ZNF280C: variants seen among roughly 807,000 people sequenced by gnomAD.
The protein encoded by ZNF280C is zinc finger protein 280C, also known as suppressor of hairy wing homolog 3.
Under a neutral mutation model 53.6 loss-of-function variants are expected in ZNF280C, and 14 were observed. The observed-to-expected ratio is 0.26, with a 90% CI of 0.17 to 0.41. ZNF280C has a LOEUF of 0.41. Among genes scored for constraint, ZNF280C ranks in the 10% least tolerant of loss-of-function variants. ZNF280C has a pLI of 1.00. For synonymous variants in ZNF280C, 203 were observed against 181.1 expected (o/e 1.12, Z -0.97); for missense variants, 416 against 547.1 (o/e 0.76, Z 2.39).
chrX:130,255,301 C>T (rs1603245966), intron 2 of ZNF280C, among the ~76,000 whole-genome samples: 2 of 103,531 alleles, frequency 1.9e-5, no homozygotes, highest in Admixed American at 1.0e-4. Flanking sequence ...CCACTACGCC[C>T]GGCTAATTTT....
At position 130,255,883 on chromosome X, in the gene ZNF280C, A is replaced by G. The variant is rs1603246086; in HGVS notation, c.31+4536T>C. Among the ~76,000 whole-genome samples the G allele has an allele frequency of 2.7e-5, 3 of 112,052 alleles. No individual in the cohort carries two copies. The Middle Eastern group carries it at 0.014, about 512-fold the overall frequency. On this transcript the variant is annotated intron_variant, in intron 2 of 18. Transcript: ENST00000370978. ...GGCACAAGAATCGCCTCAACCCAGG[A>G]GCCGGTGGTTGCAGTGAGCTGAGAT...
At chrX:130,251,617 C>T (rs1387000358) in intron 2 of ZNF280C, among the ~76,000 whole-genome samples, 1 of 110,556 alleles carries the variant, frequency 9.0e-6, no homozygotes, top group Non-Finnish European at 1.9e-5. Flanking sequence ...GCCATGGGGC[C>T]GGGCGCGGTA....
chrX:130,254,641 G>GCAAA (rs1203479351), intron 2 of ZNF280C, among the ~76,000 whole-genome samples: 2 of 111,538 alleles, frequency 1.8e-5, no homozygotes, highest in Non-Finnish European at 3.8e-5. Flanking sequence ...ATTATCCTTA[G>GCAAA]CAAACTAATG....
intron 2 of ZNF280C, among the ~76,000 whole-genome samples, chrX:130,252,704 G>C (rs1285311363): frequency 2.2e-5 from 2 of 89,824 alleles, no homozygotes; most frequent in African/African-American, 9.4e-5. Context: ...TGGTGACAGA[G>C]TGAGACTCCG....
intron 1 of ZNF280C, among the ~76,000 whole-genome samples, chrX:130,267,088 G>A (rs2032697330): frequency 9.8e-6 from 1 of 102,142 alleles, no homozygotes; most frequent in Non-Finnish European, 2.0e-5. Flanking sequence ...GCGACATTGC[G>A]AGACTCCGTC....
intron 12 of ZNF280C, among the ~76,000 whole-genome samples, chrX:130,225,382 C>A (rs376889465): frequency 9.1e-6 from 1 of 109,800 alleles, no homozygotes; most frequent in Non-Finnish European, 1.9e-5. Flanking sequence ...AGGTATTGTG[C>A]AAATAAAGGG....
intron 2 of ZNF280C, among the ~76,000 whole-genome samples, chrX:130,257,551 A>C (rs2032588588): frequency 9.0e-6 from 1 of 111,676 alleles, no homozygotes; most frequent in African/African-American, 3.3e-5. Flanking sequence ...TGTACATATG[A>C]GTTTTAAAAA....
intron 16 of ZNF280C, among the ~76,000 whole-genome samples, chrX:130,206,283 T>C (rs570041951): frequency 1.8e-5 from 2 of 111,096 alleles, no homozygotes; most frequent in East Asian, 2.8e-4. Context: ...CATATACTTT[T>C]GAAGTTCATC....
intron 12 of ZNF280C, among the ~76,000 whole-genome samples, 194 bp from the exon 13 acceptor site, chrX:130,220,674 C>T (rs919124023): frequency 8.1e-5 from 9 of 111,166 alleles, no homozygotes; most frequent in African/African-American, 2.9e-4. Flanking sequence ...CATTAGTTAC[C>T]ATATAAGGAT....
intron 3 of ZNF280C, among the ~76,000 whole-genome samples, chrX:130,244,503 C>T (rs193015301): frequency 2.7e-5 from 3 of 111,353 alleles, no homozygotes; most frequent in South Asian, 3.8e-4. Flanking sequence ...CCCGGCCAGG[C>T]GGGGTGGCTC....
chrX:130,202,722 GTTAT>G lies in ZNF280C; in HGVS notation c.*2251_*2254del, dbSNP rs1269230109. The G allele has an allele frequency of 6.3e-5, 7 of 110,757 alleles. No homozygotes were observed. The highest frequency in any genetic ancestry group is 2.3e-4 in the African/African-American group (7 of 30,500). The allele number at this position is 110,757 out of a possible 1,213,427, so 9.1% of individuals were successfully genotyped here. A position where few individuals can be genotyped will look rare whatever the true frequency, so the allele number is the denominator to read the frequency against. Reference sequence around the variant, plus strand: ...AGTTATATGATAGCTTTTATATGAAGTTATTTATTAGAAATTTCCAAGGCACTTT... The same window carrying G: ...AGTTATATGATAGCTTTTATATGAAGTTATTAGAAATTTCCAAGGCACTTT... On this transcript the variant is annotated 3_prime_UTR_variant, in exon 19 of 19. Transcript: ENST00000370978.
chrX:130,246,666 C>G (rs946289737), intron 3 of ZNF280C, among the ~76,000 whole-genome samples, 193 bp downstream of exon 3: 1 of 111,902 alleles, frequency 8.9e-6, no homozygotes, highest in African/African-American at 3.2e-5. Context: ...GATATTTTAA[C>G]CTTTCACCTC....
At chrX:130,211,285 T>A (rs953234351) in intron 15 of ZNF280C, among the ~76,000 whole-genome samples, 9 of 112,088 alleles carry the variant, frequency 8.0e-5, no homozygotes, top group African/African-American at 2.6e-4. Flanking sequence ...GCTGTGCTGA[T>A]CAGATACTTC....
At chrX:130,247,334 C>A (rs2032461164) in intron 2 of ZNF280C, among the ~76,000 whole-genome samples, 1 of 111,156 alleles carries the variant, frequency 9.0e-6, no homozygotes, top group East Asian at 2.8e-4. Flanking sequence ...TCTCGAACTC[C>A]TGACCTCAAG....
At chrX:130,232,608 T>C (rs2032289653) in intron 8 of ZNF280C, among the ~76,000 whole-genome samples, 1 of 111,655 alleles carries the variant, frequency 9.0e-6, no homozygotes, top group African/African-American at 3.3e-5. Context: ...TGCTAACCAT[T>C]AGGAAAATGC....
chrX:130,266,446 G>A (rs1039823626), intron 1 of ZNF280C, among the ~76,000 whole-genome samples: 13 of 111,758 alleles, frequency 1.2e-4, no homozygotes, highest in Non-Finnish European at 1.9e-4. Flanking sequence ...GGTGACCACA[G>A]CTAATACTAA....
Position 130,236,578 on chromosome X carries a change from A to C in ZNF280C, c.555T>G (p.Thr185=). The C allele has an allele frequency of 8.3e-6, 10 of 1,202,553 alleles. No individual in the cohort carries two copies. The highest frequency in any genetic ancestry group is 1.1e-5 in the Non-Finnish European group (10 of 889,007). Residue 185 remains threonine, a synonymous_variant, in exon 7 of 19, where the codon ACT becomes ACG. Coordinates refer to ENST00000370978, the MANE Select transcript of ZNF280C (RefSeq NM_017666.5). ...HPSTSKVNSV[T]PKKPKTSEDV... Reference sequence around the variant, plus strand: ...CTTCACTGGTCTTTGGTTTTTTTGGAGTAACACTGTTTACTTTAGAAGTAG... The same window carrying C: ...CTTCACTGGTCTTTGGTTTTTTTGGCGTAACACTGTTTACTTTAGAAGTAG...
chrX:130,249,705 G>T (rs1569439257), intron 2 of ZNF280C, among the ~76,000 whole-genome samples: 1 of 111,973 alleles, frequency 8.9e-6, no homozygotes, highest in Non-Finnish European at 1.9e-5. Flanking sequence ...AGCCCACAAA[G>T]AAGAGAAAGA....
At position 130,205,299 on chromosome X, in the gene ZNF280C, T is replaced by C. The variant is rs191895201; in HGVS notation, c.2159A>G (p.Asn720Ser). Residue 720 changes from asparagine (N) to serine (S), a missense_variant and splice_region_variant, in exon 17 of 19, where the codon AAT (asparagine) becomes AGT (serine). Physicochemically the swap from Asn to Ser is conservative, Grantham distance 46. Transcript: ENST00000370978. ...KTHTCQVIIE[N>S]VSKSTSTSEP... ...GAAACACAATTATATATACGTACCATTCTCTATTATAACTTGGCAAGTATG... is the reference window on the plus strand; with the variant it reads ...GAAACACAATTATATATACGTACCACTCTCTATTATAACTTGGCAAGTATG... The C allele has an allele frequency of 3.3e-4, 386 of 1,179,121 alleles. 1 individual carries two copies. In the East Asian group the frequency reaches 0.01, roughly 32 times the overall value.
Sources: gnomAD v4.1 joint callset for allele counts (sites outside exome capture counted in the v4.1 genomes callset) on GRCh38, gnomAD v4.1.1 for gene constraint, MANE v1.5 for transcripts, NCBI Gene and HGNC (gene_info 2026-07-23, HGNC 2026-07-21) for gene names.